Variants in DUOX1 observed in about 807,000 individuals in gnomAD.
DUOX1 encodes the protein dual oxidase 1, also known as NADPH thyroid oxidase 1.
In DUOX1, 134 loss-of-function variants were observed where a neutral mutation model predicts 181.8. The ratio of observed to expected loss-of-function variants is 0.74; its 90% CI spans 0.64 to 0.85. The LOEUF (loss-of-function observed/expected upper bound fraction) is 0.85. DUOX1 is among the 40% of genes least tolerant of loss of function. The pLI is 0.00. For synonymous variants in DUOX1, 798 were observed against 832.5 expected (o/e 0.96, Z 0.71); for missense variants, 1,814 against 2,064.4 (o/e 0.88, Z 2.35).
At chr15:45,139,631 C>A in intron 12 of DUOX1, 32 bp downstream of exon 12, 5 of 771,580 alleles carry the variant, frequency 6.5e-6, no homozygotes, top group South Asian at 1.6e-5. Context: ...GAGGGTAGGG[C>A]GGGAGGGACA....
intron 23 of DUOX1, among the ~76,000 whole-genome samples, chr15:45,151,627 A>G (rs905246364): frequency 7.9e-5 from 12 of 152,180 alleles, no homozygotes; most frequent in African/African-American, 2.7e-4. Flanking sequence ...GAACACAGGT[A>G]GATGGAGTAC....
rs184046668 is a variant in DUOX1, at chr15:45,143,447, G to C, written c.1936+144G>C. On this transcript the variant is annotated intron_variant, in intron 16 of 33. Transcript: ENST00000389037. ...CCACAGTGGCATTAAGCAGAAGTTG[G>C]ACATGGAGTCCTGCAGCCTCCAGAG... 3.3e-4 allele frequency: 215 copies of C among 648,206 alleles called. 6 individuals are homozygous for C. The highest frequency in any genetic ancestry group is 2.9e-3 in the East Asian group (106 of 36,430). The allele number at this position is 648,206 out of a possible 1,614,324, so 40.2% of individuals were successfully genotyped here.
chr15:45,162,783 C>T (rs1304350528), intron 31 of DUOX1, among the ~76,000 whole-genome samples: 1 of 152,234 alleles, frequency 6.6e-6, no homozygotes, highest in Non-Finnish European at 1.5e-5. Context: ...GAAACTGGCT[C>T]AGCTCTCAAG....
At chr15:45,153,760 G>A in intron 26 of DUOX1, 191 bp from the exon 27 acceptor site, 1 of 640,142 alleles carries the variant, frequency 1.6e-6, no homozygotes, top group Non-Finnish European at 2.7e-6. Context: ...GGTGGTGCGT[G>A]CCTGTAATCC....
Position 45,142,792 on chromosome 15 carries a change from G to GAA in DUOX1, c.1823-398_1823-397insAA, listed in dbSNP as rs1461948829. The stretch of plus-strand genomic sequence containing the variant: ...AGAAGGAAGGAAGGAAGGAAGGGAG[G>GAA]GAGGAAGGGAGGGAGGAAGAGCAGG... On this transcript the variant is annotated intron_variant, in intron 15 of 33. Coordinates refer to ENST00000389037, the MANE Select transcript of DUOX1 (RefSeq NM_175940.3). 3.5e-5 allele frequency among the ~76,000 whole-genome samples: 5 copies of GAA among 143,982 alleles called. 1 individual carries two copies. The highest frequency in any genetic ancestry group is 3.1e-5 in the Non-Finnish European group (2 of 64,104). The allele number at this position is 143,982 out of a possible 152,430, so 94.5% of individuals were successfully genotyped here.
At chr15:45,132,094 G>T (rs936227011) in intron 2 of DUOX1, 70 bp downstream of exon 2, 2 of 1,353,244 alleles carry the variant, frequency 1.5e-6, no homozygotes, top group African/African-American at 2.9e-5. Flanking sequence ...CTCCCCCAAG[G>T]ACAGGATCCA....
chr15:45,153,237 AAAAAAAAAG>A, intron 25 of DUOX1, 134 bp from the exon 26 acceptor site: 1 of 416,414 alleles, frequency 2.4e-6, no homozygotes, highest in Non-Finnish European at 4.5e-6. Flanking sequence ...AAAAAAAAAA[AAAAAAAAAG>A]AGGTCAGAAG....
At chr15:45,136,310 A>C in intron 7 of DUOX1, 40 bp from the exon 8 acceptor site, 19 of 1,612,130 alleles carry the variant, frequency 1.2e-5, no homozygotes, top group Non-Finnish European at 1.6e-5. Context: ...GTCCCTCCCC[A>C]TCCAACTCGT....
Position 45,139,318 on chromosome 15 carries a change from G to A in DUOX1, c.1217-109G>A. The A allele has an allele frequency of 1.9e-6, 3 of 1,586,478 alleles. No individual in the cohort carries two copies. The South Asian group carries it at 3.4e-5, about 18-fold the overall frequency. ...AAAGAGCTTCTGACATGCTGACCAT[G>A]GCTCCTTCTGGCTCAAGTCTCCTGG... On this transcript the variant is annotated intron_variant, in intron 11 of 33. Transcript: ENST00000389037.
At chr15:45,150,783 C>T (rs1896780870) in intron 22 of DUOX1, 82 bp downstream of exon 22, 3 of 1,332,244 alleles carry the variant, frequency 2.3e-6, no homozygotes, top group Admixed American at 3.5e-5. Context: ...ATCAGGGCCA[C>T]CGCTAGCCCA....
chr15:45,149,268 C>A (rs1896745111), intron 21 of DUOX1, among the ~76,000 whole-genome samples: 1 of 152,192 alleles, frequency 6.6e-6, no homozygotes, highest in Admixed American at 6.5e-5. Context: ...CTGGTCAGGG[C>A]TTCCCCCTGG....
chr15:45,152,144 G>T (rs1182069627), intron 24 of DUOX1, 92 bp downstream of exon 24: 2 of 1,513,190 alleles, frequency 1.3e-6, no homozygotes, highest in Non-Finnish European at 1.8e-6. Flanking sequence ...CCAGCCCTGG[G>T]TAGGGTAAGT....
At position 45,143,191 on chromosome 15, in the gene DUOX1, G is replaced by A; in HGVS notation, c.1824G>A (p.Val608=). Residue 608 remains valine (V), a splice_region_variant and synonymous_variant, in exon 16 of 34, where the codon GTG becomes GTA. Coordinates refer to ENST00000389037, the MANE Select transcript of DUOX1 (RefSeq NM_175940.3). The stretch of plus-strand genomic sequence containing the variant: ...GAACCTCTGCCTCTGCCCTCCCAGT[G>A]AGCCTGCTCAGTGCCTGGATTGTTG... ...TIGTLCCFPL[V]SLLSAWIVAR... 6.2e-7 allele frequency: 1 copy of A among 1,613,944 alleles called. No homozygotes were observed. The highest frequency in any genetic ancestry group is 1.3e-5 in the African/African-American group (1 of 75,052).
intron 12 of DUOX1, 39 bp downstream of exon 12, chr15:45,139,638 G>T: frequency 2.3e-5 from 33 of 1,409,704 alleles, no homozygotes; most frequent in Non-Finnish European, 2.9e-5. Flanking sequence ...GGGCGGGAGG[G>T]ACAAGGCACG....
intron 12 of DUOX1, chr15:45,140,139 T>A: frequency 1.0e-6 from 1 of 974,010 alleles, no homozygotes; most frequent in Admixed American, 1.9e-5. Context: ...GGGGTCCTGT[T>A]CAGCTGCTAG....
In DUOX1 at chr15:45,161,777, A is replaced by C; in HGVS notation, c.3896A>C (p.Glu1299Ala). The change falls in exon 30 of 34, where the codon GAG becomes GCG. Residue 1299 changes from glutamate (E) to alanine (A), a missense_variant. Glu to Ala is a moderately radical substitution (Grantham distance 107). Around this residue, in one of 5 missense-constraint regions of DUOX1, gnomAD observed 279 missense variants for 381.9 expected, o/e 0.73. Transcript: ENST00000389037. ...HLRFQRPQGF[E>A]YKSGQWVRIA... Reference sequence around the variant, plus strand: ...CGGTTCCAGCGGCCCCAGGGCTTTGAGTACAAGTCAGGGCAGTGGGTGCGG... The same window carrying C: ...CGGTTCCAGCGGCCCCAGGGCTTTGCGTACAAGTCAGGGCAGTGGGTGCGG... 6.2e-7 allele frequency: 1 copy of C among 1,613,852 alleles called. No individual in the cohort carries two copies. The highest frequency in any genetic ancestry group is 1.1e-5 in the South Asian group (1 of 91,062).
At position 45,152,188 on chromosome 15, in the gene DUOX1, G is replaced by T. The variant is rs112416722; in HGVS notation, c.3194-98G>T. 41 of 1,468,516 alleles carry T rather than the reference G, an allele frequency of 2.8e-5. 1 individual carries two copies. The African/African-American group carries it at 4.2e-4, about 15-fold the overall frequency. 91.0% of individuals were successfully genotyped at this position (1,468,516 alleles called of 1,614,324 possible). A position where few individuals can be genotyped will look rare whatever the true frequency, so the allele number is the denominator to read the frequency against. On this transcript the variant is annotated intron_variant, in intron 24 of 33. Transcript: ENST00000389037. ...TCTGAGTGAAGACTGTGCGGGGGAG[G>T]CCTGTTGTGAGTGGCAGCCGGCCAG...
At chr15:45,157,413 A>T (rs1896991685) in intron 28 of DUOX1, among the ~76,000 whole-genome samples, 1 of 152,202 alleles carries the variant, frequency 6.6e-6, no homozygotes, top group Non-Finnish European at 1.5e-5. Context: ...TGAGAGATCC[A>T]GAAGAGTGGC....
At chr15:45,140,082 A>G in intron 12 of DUOX1, 6 of 1,361,984 alleles carry the variant, frequency 4.4e-6, no homozygotes, top group Non-Finnish European at 5.9e-6. Flanking sequence ...AGTAGCGGTC[A>G]CCATCCCACA....
Sources: gnomAD v4.1 joint callset for allele counts (sites outside exome capture counted in the v4.1 genomes callset) on GRCh38, gnomAD v4.1.1 for gene constraint, gnomAD v4.1.1 regional missense constraint, MANE v1.5 for transcripts, NCBI Gene and HGNC (gene_info 2026-07-23, HGNC 2026-07-21) for gene names.